NEK10: variants seen among roughly 807,000 people sequenced by gnomAD.
NEK10 encodes the protein NIMA related kinase 10.
NEK10 carries 122 observed loss-of-function variants against 159.8 expected under a neutral mutation model. The ratio of observed to expected loss-of-function variants is 0.76; its 90% CI spans 0.66 to 0.89. The LOEUF is 0.89. NEK10 is among the 40% of genes least tolerant of loss of function. The probability of loss-of-function intolerance (pLI) is 0.00; values close to 1 mark genes in which losing one functional copy is unlikely to be tolerated. For missense variants in NEK10, 1,342 were observed against 1,323.1 expected (o/e 1.01, Z -0.22); for synonymous variants, 466 against 457.1 (o/e 1.02, Z -0.25).
intron 26 of NEK10, among the ~76,000 whole-genome samples, chr3:27,184,568 AAGAG>A (rs1230519450): frequency 3.3e-5 from 5 of 152,238 alleles, no homozygotes; most frequent in Non-Finnish European, 7.3e-5. Context: ...GTCAATAAAA[AAGAG>A]AGAATTGTAG....
chr3:27,253,014 T>C (rs1028692636), intron 23 of NEK10: 7 of 404,482 alleles, frequency 1.7e-5, no homozygotes, highest in African/African-American at 1.5e-4. Context: ...ATCAAAAAAA[T>C]AATTTTTTTA....
In NEK10 at chr3:27,172,290, G is replaced by A. The variant is rs190600894; in HGVS notation, c.2777-417C>T. On this transcript the variant is annotated intron_variant, in intron 28 of 35. Transcript: ENST00000691995. ...GCGGAGGTTGCAGTGAGCTAAGATC[G>A]TGCCACTGCACTCCAGCCTGGTGAC... Among the ~76,000 whole-genome samples the A allele has an allele frequency of 6.6e-3, 878 of 132,592 alleles. 13 individuals are homozygous for A. The highest frequency in any genetic ancestry group is 0.025 in the African/African-American group (835 of 34,016). The allele number at this position is 132,592 out of a possible 152,430, so 87.0% of individuals were successfully genotyped here. A position where few individuals can be genotyped will look rare whatever the true frequency, so the allele number is the denominator to read the frequency against.
chr3:27,114,361 A>G lies in NEK10; in HGVS notation c.3299+1579T>C, dbSNP rs186820545. Reference sequence around the variant, plus strand: ...GATGGTGGGAGGAGAGTAGTTGTGGAGATGGTAATTTCTATTGACGGTATA... The same window carrying G: ...GATGGTGGGAGGAGAGTAGTTGTGGGGATGGTAATTTCTATTGACGGTATA... On this transcript the variant is annotated intron_variant, in intron 35 of 35. Coordinates refer to ENST00000691995, the MANE Select transcript of NEK10 (RefSeq NM_001394966.1). Among the ~76,000 whole-genome samples the G allele has an allele frequency of 2.6e-3, 389 of 152,324 alleles. 2 individuals are homozygous for G. Among genetic ancestry groups the G allele is most frequent in the Non-Finnish European group, 3.7e-3 (253 of 68,042 alleles).
chr3:27,282,901 A>G (rs2042312545), intron 22 of NEK10, among the ~76,000 whole-genome samples: 1 of 151,792 alleles, frequency 6.6e-6, no homozygotes, highest in African/African-American at 2.4e-5. Flanking sequence ...TAAAAAGCCT[A>G]AGGTAAACAA....
At chr3:27,260,017 GT>G (rs2040256963) in intron 22 of NEK10, among the ~76,000 whole-genome samples, 1 of 152,110 alleles carries the variant, frequency 6.6e-6, no homozygotes, top group Non-Finnish European at 1.5e-5. Flanking sequence ...TTGGCTCTAT[GT>G]TTTTCTGTTA....
chr3:27,359,056 G>C (rs751601779), intron 1 of NEK10, among the ~76,000 whole-genome samples: 1 of 152,070 alleles, frequency 6.6e-6, no homozygotes. Context: ...ACAAAAATTA[G>C]CCAGGTGTGG....
chr3:27,169,234 A>G (rs993499730), intron 29 of NEK10, among the ~76,000 whole-genome samples: 4 of 152,236 alleles, frequency 2.6e-5, no homozygotes, highest in Admixed American at 2.0e-4. Context: ...TTTGTTAGCA[A>G]TAGAAAGTCA....
chr3:27,282,533 A>ATATATATATATATATATACACATAAC lies in NEK10; in HGVS notation c.2014+2068_2014+2069insGTTATGTGTATATATATATATATATA, dbSNP rs2042235037. ...TTTGTTCTGTTGTATATATACATAA[A>ATATATATATATATATATACACATAAC]TGTGTTATATATATATATATATATA... On this transcript the variant is annotated intron_variant, in intron 22 of 35. Transcript: ENST00000691995. Among the ~76,000 whole-genome samples the ATATATATATATATATATACACATAAC allele has an allele frequency of 5.1e-5, 3 of 59,356 alleles. 1 individual carries two copies. The highest frequency in any genetic ancestry group is 2.2e-4 in the African/African-American group (3 of 13,560). The allele number at this position is 59,356 out of a possible 152,430, so 38.9% of individuals were successfully genotyped here. A position where few individuals can be genotyped will look rare whatever the true frequency, so the allele number is the denominator to read the frequency against.
intron 23 of NEK10, among the ~76,000 whole-genome samples, chr3:27,242,007 C>T (rs1164219817): frequency 6.6e-6 from 1 of 152,166 alleles, no homozygotes; most frequent in African/African-American, 2.4e-5. Flanking sequence ...CAGCTCAACA[C>T]GTTCTCAAGA....
At chr3:27,209,801 A>T (rs965480915) in intron 23 of NEK10, among the ~76,000 whole-genome samples, 5 of 152,202 alleles carry the variant, frequency 3.3e-5, no homozygotes, top group African/African-American at 1.2e-4. Context: ...TCACCCCCAA[A>T]AAACACTTCT....
At chr3:27,311,456 C>T in intron 8 of NEK10, 1 of 157,390 alleles carries the variant, frequency 6.4e-6, no homozygotes, top group South Asian at 1.9e-4. Context: ...CCAGGGCTTG[C>T]CATAAACTCT....
intron 11 of NEK10, among the ~76,000 whole-genome samples, chr3:27,307,142 G>A (rs2044309243): frequency 6.6e-6 from 1 of 152,166 alleles, no homozygotes; most frequent in African/African-American, 2.4e-5. Flanking sequence ...TTGGAACCTT[G>A]TTTGTTCAGA....
chr3:27,263,184 T>A (rs916031325), intron 22 of NEK10, among the ~76,000 whole-genome samples: 2 of 152,190 alleles, frequency 1.3e-5, no homozygotes, highest in Non-Finnish European at 2.9e-5. Flanking sequence ...GGAAGTTTTG[T>A]CTCAGAGGAG....
intron 1 of NEK10, among the ~76,000 whole-genome samples, chr3:27,358,860 A>G (rs1172514444): frequency 1.3e-5 from 2 of 152,208 alleles, no homozygotes; most frequent in African/African-American, 4.8e-5. Context: ...ATCTTTGTAA[A>G]TACTCCATTT....
intron 13 of NEK10, among the ~76,000 whole-genome samples, chr3:27,300,347 G>C (rs775479868): frequency 6.6e-6 from 1 of 152,094 alleles, no homozygotes; most frequent in Non-Finnish European, 1.5e-5. Flanking sequence ...ATCCACGTAA[G>C]ATGTGACTTG....
chr3:27,220,126 C>A (rs1437845261), intron 23 of NEK10, among the ~76,000 whole-genome samples: 3 of 152,124 alleles, frequency 2.0e-5, no homozygotes. Flanking sequence ...GAAGACTTGC[C>A]ATTGTTTAAA....
At chr3:27,160,686 A>C (rs1027578192) in intron 30 of NEK10, among the ~76,000 whole-genome samples, 1 of 152,146 alleles carries the variant, frequency 6.6e-6, no homozygotes, top group African/African-American at 2.4e-5. Context: ...TGGGCAGATC[A>C]CTTGAGGTCA....
rs1575706135 is a variant in NEK10 at position 27,314,405 on chromosome 3, G to T, written c.448-67C>A. 14 of 915,440 alleles carry T rather than the reference G, an allele frequency of 1.5e-5. No individual in the cohort carries two copies. The East Asian group carries it at 3.6e-4, about 24-fold the overall frequency. The allele number at this position is 915,440 out of a possible 1,614,324, so 56.7% of individuals were successfully genotyped here. On this transcript the variant is annotated intron_variant, in intron 6 of 35. Transcript: ENST00000691995. ...GTGGAGGGGGAAGTATATTTTACAT[G>T]CAATTTCTTTACTAAGTTGTCATAT... is the stretch of plus-strand genomic sequence containing the variant.
intron 13 of NEK10, among the ~76,000 whole-genome samples, chr3:27,297,532 T>C (rs541811909): frequency 1.3e-5 from 2 of 152,212 alleles, no homozygotes; most frequent in African/African-American, 2.4e-5. Context: ...GTCCATTTCA[T>C]TGTAATCCCC....
Sources: gnomAD v4.1 joint callset for allele counts (sites outside exome capture counted in the v4.1 genomes callset) on GRCh38, gnomAD v4.1.1 for gene constraint, MANE v1.5 for transcripts, NCBI Gene and HGNC (gene_info 2026-07-23, HGNC 2026-07-21) for gene names.